SSR3: variants seen among roughly 807,000 people sequenced by gnomAD.
SSR3 encodes the protein translocon-associated protein subunit gamma.
Under a neutral mutation model 22.1 loss-of-function variants are expected in SSR3, and 10 were observed. The ratio of observed to expected loss-of-function variants is 0.45; its 90% CI spans 0.28 to 0.77. SSR3 has a LOEUF of 0.77. SSR3 is among the 30% of genes least tolerant of loss of function. The pLI, the probability that SSR3 is intolerant of heterozygous loss-of-function variation, is 0.13. For synonymous variants in SSR3, 104 were observed against 82.5 expected, an observed-to-expected ratio of 1.26 and a Z score of -1.42; for missense variants, 181 against 220.5, an observed-to-expected ratio of 0.82 and a Z score of 1.13.
chr3:156,553,830 C>G (rs376249629), intron 1 of SSR3, 49 bp from the exon 2 acceptor site: 6 of 1,549,632 alleles, frequency 3.9e-6, no homozygotes, highest in Middle Eastern at 1.7e-4. Flanking sequence ...CAAAACATTA[C>G]AACCCCGCAA....
intron 1 of SSR3, 139 bp downstream of exon 1, chr3:156,554,818 C>T: frequency 8.6e-7 from 1 of 1,163,536 alleles, no homozygotes; most frequent in South Asian, 1.5e-5. Flanking sequence ...CTCCGTGCCT[C>T]CCCGAGCTCA....
chr3:156,551,298 A>G (rs1719943039), intron 2 of SSR3: 1 of 152,196 alleles, frequency 6.6e-6, no homozygotes, highest in Admixed American at 6.5e-5. Context: ...CATGACTTTG[A>G]TTCTAAAGAG....
At chr3:156,554,903 G>A (rs993987856) in intron 1 of SSR3, 54 bp downstream of exon 1, 6 of 1,577,338 alleles carry the variant, frequency 3.8e-6, no homozygotes, top group Non-Finnish European at 2.6e-6. Context: ...CCACGTCCCC[G>A]CCCAGCCCGA....
rs772509483 is a variant in SSR3 at position 156,542,863 on chromosome 3, A to G, written c.*340T>C. ...AACCAGTTATTAACTTCCTACTACTATTATATAATAAATAATAACAGCTCG... is the reference window on the plus strand; with the variant it reads ...AACCAGTTATTAACTTCCTACTACTGTTATATAATAAATAATAACAGCTCG... On this transcript the variant is annotated 3_prime_UTR_variant, in exon 5 of 5. Coordinates refer to ENST00000265044, the MANE Select transcript of SSR3 (RefSeq NM_007107.5). 4.4e-6 allele frequency: 1 copy of G among 226,962 alleles called. No homozygotes were observed. 14.1% of individuals were successfully genotyped at this position (226,962 alleles called of 1,614,324 possible). A position where few individuals can be genotyped will look rare whatever the true frequency, so the allele number is the denominator to read the frequency against.
At chr3:156,548,729 T>G in intron 3 of SSR3, 176 bp downstream of exon 3, 2 of 723,622 alleles carry the variant, frequency 2.8e-6, no homozygotes, top group South Asian at 2.0e-5. Flanking sequence ...GATAAAAGTA[T>G]CTGGTTGTAA....
Position 156,545,859 on chromosome 3 carries a change from G to A in SSR3, c.360-1420C>T, listed in dbSNP as rs138632259. Among the ~76,000 whole-genome samples the A allele has an allele frequency of 2.0e-5, 3 of 152,278 alleles. No individual in the cohort carries two copies. In the East Asian group the frequency reaches 5.8e-4, roughly 29 times the overall value. On this transcript the variant is annotated intron_variant, in intron 3 of 4. Coordinates refer to ENST00000265044, the MANE Select transcript of SSR3 (RefSeq NM_007107.5). ...ATTCTAACACTGATCAATGATACCA[G>A]CCTAGTAAGATGCATAGTCTCAACA...
intron 3 of SSR3, among the ~76,000 whole-genome samples, chr3:156,546,035 CCTTAA>C (rs1222964976): frequency 1.3e-5 from 2 of 152,222 alleles, no homozygotes; most frequent in Admixed American, 1.3e-4. Flanking sequence ...CAGTGCTTCT[CCTTAA>C]CTTCTTTTCT....
Position 156,549,010 on chromosome 3 carries a change from GAAAAAGAA to G in SSR3, c.261-15_261-8del, listed in dbSNP as rs748003019. On this transcript the variant is annotated splice_region_variant and splice_polypyrimidine_tract_variant and intron_variant, in intron 2 of 4. Transcript: ENST00000265044. ...CTCCCTCTTCTGTGCTACTCTGGAA[GAAAAAGAA>G]AAAAAGAAAAAGTTTCCATATGCTA... The G allele has an allele frequency of 1.3e-6, 2 of 1,599,096 alleles. No homozygotes were observed. The highest frequency in any genetic ancestry group is 1.8e-5 in the Admixed American group (1 of 56,412).
chr3:156,551,787 A>C (rs1719966697), intron 2 of SSR3, among the ~76,000 whole-genome samples: 1 of 152,220 alleles, frequency 6.6e-6, no homozygotes, highest in Non-Finnish European at 1.5e-5. Context: ...ATTTCTCTGG[A>C]AAAGATTCCT....
rs553974849 is a variant in SSR3 at position 156,547,720 on chromosome 3, A to G, written c.359+1185T>C. Among the ~76,000 whole-genome samples, 118 of 152,346 alleles carry G rather than the reference A, an allele frequency of 7.7e-4. 1 individual carries two copies. Among genetic ancestry groups the G allele is most frequent in the African/African-American group, 2.8e-3 (115 of 41,578 alleles). ...AAAACCACTATAGAAGACATTGTTC[A>G]TTAAGTTACTCAGTGTCCCTTAAAT... On this transcript the variant is annotated intron_variant, in intron 3 of 4. Coordinates refer to ENST00000265044, the MANE Select transcript of SSR3 (RefSeq NM_007107.5).
chr3:156,546,894 ATG>A (rs1311201773), intron 3 of SSR3, among the ~76,000 whole-genome samples: 1 of 152,208 alleles, frequency 6.6e-6, no homozygotes, highest in Non-Finnish European at 1.5e-5. Flanking sequence ...TTTAAGCGGC[ATG>A]GAGTATATAT....
At chr3:156,553,899 G>T in intron 1 of SSR3, 118 bp from the exon 2 acceptor site, 1 of 999,494 alleles carries the variant, frequency 1.0e-6, no homozygotes, top group Non-Finnish European at 1.4e-6. Flanking sequence ...TATTAGTTAT[G>T]CAATCCAATA....
intron 2 of SSR3, among the ~76,000 whole-genome samples, chr3:156,552,197 G>C (rs1475948140): frequency 2.0e-5 from 3 of 151,888 alleles, no homozygotes; most frequent in Non-Finnish European, 4.4e-5. Flanking sequence ...CCAGCTATTT[G>C]GGAGGCTGAT....
In SSR3 at chr3:156,543,290, T is replaced by C. The variant is rs145403423; in HGVS notation, c.492-21A>G. The C allele has an allele frequency of 8.6e-4, 1,372 of 1,603,512 alleles. 2 individuals carry two copies. Among genetic ancestry groups the C allele is most frequent in the Non-Finnish European group, 1.1e-3 (1,310 of 1,171,300 alleles). On this transcript the variant is annotated intron_variant, in intron 4 of 4. Coordinates refer to ENST00000265044, the MANE Select transcript of SSR3 (RefSeq NM_007107.5). ...AGTTCCTGTAAGAAATTTAATGTTATGGAAAAATGAGTAACTCCAAATTGG... is the reference window on the plus strand; with the variant it reads ...AGTTCCTGTAAGAAATTTAATGTTACGGAAAAATGAGTAACTCCAAATTGG...
chr3:156,544,560 G>T, intron 3 of SSR3, 121 bp from the exon 4 acceptor site: 1 of 714,874 alleles, frequency 1.4e-6, no homozygotes, highest in Non-Finnish European at 2.0e-6. Flanking sequence ...GGGTAAGAAT[G>T]TGTTTGTAAT....
At position 156,543,121 on chromosome 3, in the gene SSR3, T is replaced by C; in HGVS notation, c.*82A>G. On this transcript the variant is annotated 3_prime_UTR_variant, in exon 5 of 5. Coordinates refer to ENST00000265044, the MANE Select transcript of SSR3 (RefSeq NM_007107.5). The stretch of plus-strand genomic sequence containing the variant: ...CTAGACTATAAAAACATCTTGTGTC[T>C]CCCACCCTGACCACCCTGCTACTTT... The C allele has an allele frequency of 1.6e-6, 2 of 1,247,136 alleles. No individual in the cohort carries two copies. Among genetic ancestry groups the C allele is most frequent in the Non-Finnish European group, 1.2e-6 (1 of 860,930 alleles). The allele number at this position is 1,247,136 out of a possible 1,614,324, so 77.3% of individuals were successfully genotyped here.
At chr3:156,549,981 T>C (rs1007219893) in intron 2 of SSR3, among the ~76,000 whole-genome samples, 2 of 148,474 alleles carry the variant, frequency 1.3e-5, no homozygotes, top group Admixed American at 1.3e-4. Context: ...TTTCATTATA[T>C]AAAAACTATC....
intron 3 of SSR3, among the ~76,000 whole-genome samples, chr3:156,544,845 G>A (rs1243520554): frequency 6.6e-6 from 1 of 152,214 alleles, no homozygotes; most frequent in Non-Finnish European, 1.5e-5. Flanking sequence ...TACAGCCTAC[G>A]GATTTCAGAC....
At chr3:156,545,514 C>T (rs1719728404) in intron 3 of SSR3, among the ~76,000 whole-genome samples, 1 of 152,174 alleles carries the variant, frequency 6.6e-6, no homozygotes, top group African/African-American at 2.4e-5. Flanking sequence ...AAGGACAGCA[C>T]TTTAAGTAAG....
Sources: gnomAD v4.1 joint callset for allele counts (sites outside exome capture counted in the v4.1 genomes callset) on GRCh38, gnomAD v4.1.1 for gene constraint, MANE v1.5 for transcripts, NCBI Gene and HGNC (gene_info 2026-07-23, HGNC 2026-07-21) for gene names.